The following SRFBP1 variants were observed in gnomAD, a reference collection of about 807,000 sequenced individuals.
SRFBP1 encodes serum response factor binding protein 1.
In SRFBP1, 47 loss-of-function variants were observed where a neutral mutation model predicts 45.5. The observed-to-expected ratio is 1.03, with a 90% confidence interval of 0.82 to 1.32. The LOEUF (loss-of-function observed/expected upper bound fraction) is 1.32, where lower values mean the gene tolerates loss of function less well. SRFBP1 is among the 40% of genes most tolerant of loss of function. SRFBP1 has a pLI of 0.00. For synonymous variants in SRFBP1, 203 were observed against 166.3 expected (o/e 1.22, Z -1.70); for missense variants, 621 against 484.6 (o/e 1.28, Z -2.64).
At chr5:122,041,777 T>A (rs1266311403) in intron 2 of SRFBP1, among the ~76,000 whole-genome samples, 2 of 152,186 alleles carry the variant, frequency 1.3e-5, no homozygotes, top group Non-Finnish European at 2.9e-5. Flanking sequence ...TTTTACTTAT[T>A]CCTTTCTAAT....
chr5:122,050,636 A>T (rs1158816827), intron 2 of SRFBP1, among the ~76,000 whole-genome samples: 4 of 151,398 alleles, frequency 2.6e-5, no homozygotes, highest in Admixed American at 6.6e-5. Flanking sequence ...GTTTATTTGG[A>T]TCTTTTTTGT....
At chr5:122,000,081 A>G (rs769235318) in intron 4 of SRFBP1, among the ~76,000 whole-genome samples, 93 of 152,066 alleles carry the variant, frequency 6.1e-4, no homozygotes, top group South Asian at 1.7e-3. Flanking sequence ...TATTCATTAC[A>G]TGTACATATT....
intron 4 of SRFBP1, among the ~76,000 whole-genome samples, chr5:122,012,599 C>G (rs978795961): frequency 6.6e-6 from 1 of 151,816 alleles, no homozygotes; most frequent in Non-Finnish European, 1.5e-5. Context: ...GTCATCAAGA[C>G]GAAATACAAA....
At chr5:122,015,311 C>G (rs1753174109) in intron 4 of SRFBP1, among the ~76,000 whole-genome samples, 1 of 152,180 alleles carries the variant, frequency 6.6e-6, no homozygotes, top group South Asian at 2.1e-4. Flanking sequence ...AGCACACTTA[C>G]TGCTATAATC....
At chr5:122,078,511 T>G (rs918517526), downstream of SRFBP1, among the ~76,000 whole-genome samples, 1 of 152,094 alleles carries the variant, frequency 6.6e-6, no homozygotes, top group Non-Finnish European at 1.5e-5. Context: ...TGGCTTAATC[T>G]GGGGCGAACA....
In SRFBP1 at chr5:122,020,139, C is replaced by T. The variant is rs759209077; in HGVS notation, c.404C>T (p.Ser135Leu). The T allele has an allele frequency of 6.3e-7, 1 of 1,591,220 alleles. No homozygotes were observed. The highest frequency in any genetic ancestry group is 8.5e-7 in the Non-Finnish European group (1 of 1,171,910). The change falls in exon 6 of 8, where the codon TCA becomes TTA. Residue 135 changes from serine to leucine, a missense_variant. Physicochemically the swap from Ser to Leu is moderately radical, Grantham distance 145. Transcript: ENST00000339397. ...EARQNVAEVESSKNASEDNHS... is the reference protein window; with the variant it reads ...EARQNVAEVELSKNASEDNHS... Reference sequence around the variant, plus strand: ...AGACAAAATGTTGCTGAAGTTGAGTCATCAAAGAATGCTTCAGAGGACAAT... The same window carrying T: ...AGACAAAATGTTGCTGAAGTTGAGTTATCAAAGAATGCTTCAGAGGACAAT...
chr5:122,057,676 C>A (rs1186129858), intron 2 of SRFBP1, among the ~76,000 whole-genome samples: 1 of 151,850 alleles, frequency 6.6e-6, no homozygotes, highest in East Asian at 1.9e-4. Context: ...GATAATGAAT[C>A]TAGCAATGTT....
downstream of SRFBP1, chr5:122,077,997 C>A: frequency 6.9e-7 from 1 of 1,442,178 alleles, no homozygotes; most frequent in Non-Finnish European, 9.1e-7. The surrounding 1 kb of genome is among the most constrained non-coding windows in gnomAD (Gnocchi z 4.9). Flanking sequence ...ACTCCTTTTG[C>A]CAGATTGACC....
At chr5:122,015,563 G>A (rs1437983923) in intron 4 of SRFBP1, among the ~76,000 whole-genome samples, 12 of 152,190 alleles carry the variant, frequency 7.9e-5, no homozygotes, top group African/African-American at 1.4e-4. Context: ...CCATTGTGTC[G>A]TGAGTGCAGA....
At chr5:122,064,700 A>T (rs1754252053) in intron 2 of SRFBP1, 1 of 151,972 alleles carries the variant, frequency 6.6e-6, no homozygotes, top group Non-Finnish European at 1.5e-5. Context: ...TTTAATACTT[A>T]TTGAGGTTAT....
chr5:121,990,882 A>T (rs892270090), intron 3 of SRFBP1, among the ~76,000 whole-genome samples: 1 of 152,186 alleles, frequency 6.6e-6, no homozygotes, highest in African/African-American at 2.4e-5. Context: ...TGGTTAGAAT[A>T]TATGTACACT....
chr5:121,962,204 C>T, intron 1 of SRFBP1, 136 bp downstream of exon 1: 1 of 1,096,248 alleles, frequency 9.1e-7, no homozygotes, highest in Non-Finnish European at 1.3e-6. Context: ...TTTCCCGCAA[C>T]TTGGAGTTTG....
intron 4 of SRFBP1, among the ~76,000 whole-genome samples, chr5:122,010,588 A>C (rs1753072924): frequency 6.6e-6 from 1 of 152,092 alleles, no homozygotes; most frequent in African/African-American, 2.4e-5. Flanking sequence ...CAGTTGATTG[A>C]TAAGTGATTA....
chr5:122,025,922 T>G (rs567609759), intron 7 of SRFBP1, among the ~76,000 whole-genome samples: 4 of 152,016 alleles, frequency 2.6e-5, no homozygotes, highest in African/African-American at 9.7e-5. Flanking sequence ...CCAATATGTC[T>G]CTACTAAAAA....
intron 1 of SRFBP1, among the ~76,000 whole-genome samples, chr5:121,970,630 C>T (rs971725531): frequency 6.6e-6 from 1 of 151,204 alleles, no homozygotes; most frequent in Non-Finnish European, 1.5e-5. Context: ...AAACAAATTC[C>T]TAAGAGGTTA....
chr5:122,014,897 A>C lies in SRFBP1; in HGVS notation c.271-4363A>C, dbSNP rs574652056. Among the ~76,000 whole-genome samples the C allele has an allele frequency of 5.3e-5, 8 of 152,330 alleles. No homozygotes were observed. In the South Asian group the frequency reaches 1.2e-3, roughly 24 times the overall value. On this transcript the variant is annotated intron_variant, in intron 4 of 7. Coordinates refer to ENST00000339397, the MANE Select transcript of SRFBP1 (RefSeq NM_152546.3). ...CAGCAAAGATTTTAGCAAGTTGTCA[A>C]AACAGGGATTTGGAAACAGCAGTAG...
Position 121,982,812 on chromosome 5 carries a change from A to G in SRFBP1, c.198+7425A>G, listed in dbSNP as rs900091765. Among the ~76,000 whole-genome samples the G allele has an allele frequency of 2.0e-5, 3 of 151,912 alleles. No individual in the cohort carries two copies. In the East Asian group the frequency reaches 5.8e-4, roughly 29 times the overall value. ...CAGCAGTATGAAGGGAGAAAGCAGT[A>G]TAACATGGCTTTTTTTTTAATGTTT... is the stretch of plus-strand genomic sequence containing the variant. On this transcript the variant is annotated intron_variant, in intron 3 of 7. Coordinates refer to ENST00000339397, the MANE Select transcript of SRFBP1 (RefSeq NM_152546.3).
chr5:122,023,764 A>G lies in SRFBP1; in HGVS notation c.1105+1357A>G, dbSNP rs564708706. On this transcript the variant is annotated intron_variant, in intron 7 of 7. Coordinates refer to ENST00000339397, the MANE Select transcript of SRFBP1 (RefSeq NM_152546.3). ...GTTCAGCAGAGGTTTTTTCCATCCC[A>G]GGCTTGTGATTTCTTTCACTATACA... 2.0e-5 allele frequency among the ~76,000 whole-genome samples: 3 copies of G among 152,260 alleles called. No homozygotes were observed. In the East Asian group the frequency reaches 5.8e-4, roughly 29 times the overall value.
chr5:122,049,593 G>A (rs529905173), intron 2 of SRFBP1, among the ~76,000 whole-genome samples: 6 of 152,022 alleles, frequency 3.9e-5, no homozygotes, highest in East Asian at 1.9e-4. Context: ...GCACCACCCC[G>A]CACTTATACC....
Sources: allele counts gnomAD v4.1 joint callset (sites outside exome capture counted in the v4.1 genomes callset), GRCh38; gene constraint gnomAD v4.1.1; non-coding constraint Gnocchi (gnomAD v3.1); transcripts MANE v1.5; gene names NCBI Gene and HGNC (gene_info 2026-07-23, HGNC 2026-07-21).